The following ASTN2 variants were observed in gnomAD, a reference collection of about 807,000 sequenced individuals.
The protein encoded by ASTN2 is astrotactin 2, also known as astrotactin-2.
ASTN2 carries 54 observed loss-of-function variants against 139.8 expected under a neutral mutation model. That is an observed-to-expected ratio of 0.39 (90% CI 0.31 to 0.48). The LOEUF (loss-of-function observed/expected upper bound fraction) is 0.48. Among genes scored for constraint, ASTN2 ranks in the 20% least tolerant of loss-of-function variants. ASTN2 has a pLI of 0.95. For missense variants in ASTN2, 1,565 were observed against 1,725.1 expected, an observed-to-expected ratio of 0.91 and a Z score of 1.64; for synonymous variants, 756 against 719.5, an observed-to-expected ratio of 1.05 and a Z score of -0.81.
intron 16 of ASTN2, among the ~76,000 whole-genome samples, chr9:116,710,468 C>T (rs927620149): frequency 2.0e-5 from 3 of 149,438 alleles, no homozygotes; most frequent in Admixed American, 6.6e-5. Flanking sequence ...AGTGAGCTCA[C>T]GCCTGTAATC....
intron 3 of ASTN2, chr9:117,180,648 C>G: frequency 9.0e-7 from 1 of 1,108,088 alleles, no homozygotes; most frequent in Non-Finnish European, 1.2e-6. Context: ...TTTTTTTGGA[C>G]AGGAAGTAGA....
At chr9:117,106,489 G>T (rs1179787728) in intron 4 of ASTN2, among the ~76,000 whole-genome samples, 1 of 151,984 alleles carries the variant, frequency 6.6e-6, no homozygotes, top group Non-Finnish European at 1.5e-5. Context: ...GTGAGCCACT[G>T]CACCCAGCCC....
At chr9:117,115,448 C>T (rs1829359829) in intron 4 of ASTN2, among the ~76,000 whole-genome samples, 1 of 151,920 alleles carries the variant, frequency 6.6e-6, no homozygotes, top group Admixed American at 6.6e-5. Context: ...ACCCAGGATG[C>T]AAAGGTTGAG....
At chr9:117,113,523 GC>G (rs1251980814) in intron 4 of ASTN2, among the ~76,000 whole-genome samples, 1 of 152,192 alleles carries the variant, frequency 6.6e-6, no homozygotes, top group Non-Finnish European at 1.5e-5. Flanking sequence ...AGGCATGGTG[GC>G]AGGTGCCTGT....
At chr9:117,354,664 C>G (rs1252888249) in intron 1 of ASTN2, among the ~76,000 whole-genome samples, 1 of 152,136 alleles carries the variant, frequency 6.6e-6, no homozygotes, top group Non-Finnish European at 1.5e-5. Flanking sequence ...TGATCTGGCT[C>G]CAGGCAATCT....
At chr9:116,675,890 C>A (rs898620149) in intron 16 of ASTN2, among the ~76,000 whole-genome samples, 1 of 152,072 alleles carries the variant, frequency 6.6e-6, no homozygotes, top group African/African-American at 2.4e-5. Flanking sequence ...CAACAGGGAC[C>A]AACAGGGAAA....
intron 10 of ASTN2, among the ~76,000 whole-genome samples, chr9:116,937,456 A>G (rs1835112072): frequency 6.6e-6 from 1 of 152,186 alleles, no homozygotes; most frequent in African/African-American, 2.4e-5. Context: ...GGGACAGTTC[A>G]CATCTGCCTA....
chr9:117,266,209 C>T (rs1833935836), intron 2 of ASTN2, among the ~76,000 whole-genome samples: 1 of 152,140 alleles, frequency 6.6e-6, no homozygotes, highest in South Asian at 2.1e-4. Context: ...AAGCTAAGGG[C>T]ACAGCCAAGG....
chr9:116,601,880 T>C (rs1423281023), intron 19 of ASTN2, among the ~76,000 whole-genome samples: 1 of 152,170 alleles, frequency 6.6e-6, no homozygotes, highest in Non-Finnish European at 1.5e-5. Flanking sequence ...ACTACATTGA[T>C]TGTTATGATT....
At chr9:116,794,695 T>C (rs1049659455) in intron 13 of ASTN2, among the ~76,000 whole-genome samples, 3 of 152,162 alleles carry the variant, frequency 2.0e-5, no homozygotes, top group African/African-American at 7.2e-5. Context: ...ACATGTGTCA[T>C]GGGAGAAATA....
At chr9:116,534,340 G>T (rs774220970) in intron 19 of ASTN2, among the ~76,000 whole-genome samples, 5 of 152,090 alleles carry the variant, frequency 3.3e-5, no homozygotes, top group Non-Finnish European at 7.4e-5. Context: ...TTTTCGAATG[G>T]TTTTTTGTGT....
At chr9:117,191,276 A>C (rs1831341570) in intron 3 of ASTN2, among the ~76,000 whole-genome samples, 1 of 151,470 alleles carries the variant, frequency 6.6e-6, no homozygotes, top group Non-Finnish European at 1.5e-5. Flanking sequence ...TAAATACATT[A>C]TGAAGCAGTC....
intron 17 of ASTN2, among the ~76,000 whole-genome samples, chr9:116,621,694 C>T (rs1265871137): frequency 1.3e-5 from 2 of 152,220 alleles, no homozygotes; most frequent in East Asian, 3.8e-4. Flanking sequence ...GCCTTATTCA[C>T]ATGAATATTC....
intron 3 of ASTN2, among the ~76,000 whole-genome samples, chr9:117,192,391 G>GAAAAAAAAAAAAAA (rs56332042): frequency 2.0e-5 from 3 of 149,596 alleles, no homozygotes; most frequent in Non-Finnish European, 3.0e-5. Context: ...CAGTGGCAAA[G>GAAAAAAAAAAAAAA]AAAAAAAAGA....
At chr9:116,968,653 C>T (rs1836088459) in intron 10 of ASTN2, among the ~76,000 whole-genome samples, 1 of 152,122 alleles carries the variant, frequency 6.6e-6, no homozygotes, top group African/African-American at 2.4e-5. Context: ...AATCCCAACA[C>T]TTTGGAAGGC....
chr9:117,072,953 C>G (rs945982843), intron 5 of ASTN2, among the ~76,000 whole-genome samples: 2 of 151,700 alleles, frequency 1.3e-5, no homozygotes, highest in Non-Finnish European at 2.9e-5. Context: ...AGAGGAAAAA[C>G]AAGACGAAGA....
chr9:116,770,103 TAA>T (rs3041036), intron 13 of ASTN2, among the ~76,000 whole-genome samples: 13 of 135,258 alleles, frequency 9.6e-5, no homozygotes, highest in Admixed American at 3.0e-4. Context: ...CTCTGAGAGT[TAA>T]AAAAAAAAAA....
At chr9:116,550,648 G>A (rs561167841) in intron 19 of ASTN2, among the ~76,000 whole-genome samples, 15 of 152,068 alleles carry the variant, frequency 9.9e-5, no homozygotes, top group African/African-American at 1.9e-4. Flanking sequence ...TCTTTTACTC[G>A]TGAAAGAAAT....
chr9:116,485,355 CTA>C (rs35411348), intron 20 of ASTN2, among the ~76,000 whole-genome samples: 52,131 of 151,972 alleles, frequency 0.34, 9,503 homozygotes, highest in South Asian at 0.51. Flanking sequence ...TGCCTTCAGT[CTA>C]TAACCCTAAG....
Sources: allele counts gnomAD v4.1 joint callset (sites outside exome capture counted in the v4.1 genomes callset), GRCh38; gene constraint gnomAD v4.1.1; transcripts MANE v1.5; gene names NCBI Gene and HGNC (gene_info 2026-07-23, HGNC 2026-07-21).